PLEKHA7: variants seen among roughly 807,000 people sequenced by gnomAD.
PLEKHA7 encodes pleckstrin homology domain-containing family A member 7.
In PLEKHA7, 104 loss-of-function variants were observed where a neutral mutation model predicts 170.0. The observed-to-expected ratio is 0.61, with a 90% CI of 0.52 to 0.72. The LOEUF is 0.72. Ranked by LOEUF, PLEKHA7 falls within the 30% of genes least tolerant of loss-of-function variation. The pLI, the probability that PLEKHA7 is intolerant of heterozygous loss-of-function variation, is 0.00. For synonymous variants in PLEKHA7, 648 were observed against 660.8 expected (o/e 0.98, Z 0.30); for missense variants, 1,615 against 1,671.7 (o/e 0.97, Z 0.59).
intron 3 of PLEKHA7, among the ~76,000 whole-genome samples, chr11:16,922,096 T>A (rs757667268): frequency 6.6e-6 from 1 of 152,128 alleles, no homozygotes; most frequent in Non-Finnish European, 1.5e-5. Context: ...GATATGGAAG[T>A]CAGATGAAAC....
intron 13 of PLEKHA7, among the ~76,000 whole-genome samples, chr11:16,812,215 T>A (rs1187573625): frequency 6.6e-6 from 1 of 152,186 alleles, no homozygotes. Context: ...AGCCCTGATC[T>A]CCTTTCATTG....
At chr11:16,921,093 G>A (rs1054485702) in intron 3 of PLEKHA7, among the ~76,000 whole-genome samples, 11 of 152,114 alleles carry the variant, frequency 7.2e-5, no homozygotes, top group Admixed American at 3.9e-4. Context: ...TTCGCAGGGC[G>A]TTTTTTTGTT....
At chr11:16,967,534 C>T (rs7108190) in intron 3 of PLEKHA7, among the ~76,000 whole-genome samples, 1 of 152,222 alleles carries the variant, frequency 6.6e-6, no homozygotes, top group Admixed American at 6.5e-5. Flanking sequence ...CCATGAGGCC[C>T]TCCATTCTTG....
Position 16,791,738 on chromosome 11 carries a change from C to T in PLEKHA7, c.2746-539G>A. 2.2e-6 allele frequency: 1 copy of T among 453,078 alleles called. No homozygotes were observed. The highest frequency in any genetic ancestry group is 2.4e-5 in the Admixed American group (1 of 42,414). The allele number at this position is 453,078 out of a possible 1,614,324, so 28.1% of individuals were successfully genotyped here. On this transcript the variant is annotated intron_variant, in intron 19 of 26. Coordinates refer to ENST00000531066, the MANE Select transcript of PLEKHA7 (RefSeq NM_001329630.2). This position sits in a 1 kb window ranked among gnomAD's most constrained non-coding sequence, Gnocchi z 4.5. Reference sequence around the variant, plus strand: ...TTTCTATCAGAAATGTGCATGGTTACAAAATATTTCCTCCTTCCTGACTCA... The same window carrying T: ...TTTCTATCAGAAATGTGCATGGTTATAAAATATTTCCTCCTTCCTGACTCA...
intron 10 of PLEKHA7, among the ~76,000 whole-genome samples, chr11:16,820,346 C>T (rs1850109418): frequency 6.6e-6 from 1 of 152,210 alleles, no homozygotes; most frequent in South Asian, 2.1e-4. Flanking sequence ...TAGAAAATTG[C>T]TGTGAGGATT....
chr11:16,877,610 G>T (rs1260505032), intron 3 of PLEKHA7, among the ~76,000 whole-genome samples: 1 of 152,184 alleles, frequency 6.6e-6, no homozygotes, highest in East Asian at 1.9e-4. Flanking sequence ...ATCAAGATTT[G>T]CAACAGCTCA....
At chr11:16,867,374 A>C (rs889491203) in intron 4 of PLEKHA7, among the ~76,000 whole-genome samples, 1 of 152,184 alleles carries the variant, frequency 6.6e-6, no homozygotes, top group African/African-American at 2.4e-5. Flanking sequence ...TACCTACAAG[A>C]AACTGGGGAG....
intron 4 of PLEKHA7, among the ~76,000 whole-genome samples, chr11:16,861,500 T>A (rs1853948069): frequency 6.6e-6 from 1 of 151,806 alleles, no homozygotes; most frequent in Non-Finnish European, 1.5e-5. Context: ...AATACAAAAA[T>A]TAGCCGAGAG....
intron 10 of PLEKHA7, 58 bp downstream of exon 10, chr11:16,826,062 C>T: frequency 6.6e-7 from 1 of 1,524,946 alleles, no homozygotes; most frequent in Non-Finnish European, 9.0e-7. Context: ...TAAATGACAG[C>T]TCTTGCCACT....
intron 3 of PLEKHA7, among the ~76,000 whole-genome samples, chr11:16,890,842 T>G (rs1856558623): frequency 6.6e-6 from 1 of 152,080 alleles, no homozygotes; most frequent in Non-Finnish European, 1.5e-5. Context: ...TCCACTAACA[T>G]GAAAAAATAT....
chr11:16,901,934 C>G (rs940983015), intron 3 of PLEKHA7, among the ~76,000 whole-genome samples: 7 of 152,152 alleles, frequency 4.6e-5, no homozygotes. Flanking sequence ...ATACGATCAT[C>G]ACCCCAATCA....
intron 13 of PLEKHA7, among the ~76,000 whole-genome samples, chr11:16,806,233 T>C (rs938085396): frequency 1.3e-5 from 2 of 152,250 alleles, no homozygotes; most frequent in South Asian, 2.1e-4. Context: ...TGAGAGCTGT[T>C]TCTACAGCTC....
intron 17 of PLEKHA7, among the ~76,000 whole-genome samples, chr11:16,798,960 G>C (rs1848415308): frequency 6.6e-6 from 1 of 152,176 alleles, no homozygotes; most frequent in South Asian, 2.1e-4. Flanking sequence ...GAAATAGTAT[G>C]TAACAGTCAA....
chr11:16,911,949 T>G (rs1212887896), intron 3 of PLEKHA7, among the ~76,000 whole-genome samples: 1 of 152,126 alleles, frequency 6.6e-6, no homozygotes, highest in Non-Finnish European at 1.5e-5. Context: ...CACACCCTGG[T>G]AACAGAAATG....
intron 3 of PLEKHA7, among the ~76,000 whole-genome samples, chr11:16,976,601 G>C (rs140780213): frequency 1.4e-3 from 214 of 152,324 alleles, no homozygotes; most frequent in African/African-American, 4.9e-3. Flanking sequence ...AAGGTGGTTG[G>C]ACTAGCTGCT....
chr11:16,867,302 A>T (rs947642131), intron 4 of PLEKHA7, among the ~76,000 whole-genome samples: 3 of 152,166 alleles, frequency 2.0e-5, no homozygotes, highest in African/African-American at 7.2e-5. Context: ...TACAGTTCTA[A>T]CACCTTCTCA....
chr11:16,829,300 C>A (rs1370497174), intron 9 of PLEKHA7, among the ~76,000 whole-genome samples: 1 of 152,084 alleles, frequency 6.6e-6, no homozygotes, highest in Non-Finnish European at 1.5e-5. Context: ...CAAGCGTGAG[C>A]CACCCTGCCG....
intron 3 of PLEKHA7, among the ~76,000 whole-genome samples, chr11:16,921,401 T>TCAGC (rs1363336144): frequency 6.6e-6 from 1 of 152,208 alleles, no homozygotes. Flanking sequence ...ACTGTGTCCA[T>TCAGC]CAGCCCCACA....
intron 3 of PLEKHA7, among the ~76,000 whole-genome samples, chr11:16,912,541 T>C (rs1229536635): frequency 6.6e-6 from 1 of 152,194 alleles, no homozygotes; most frequent in East Asian, 1.9e-4. Context: ...GCCTCTTAAA[T>C]GCTGACTTCA....
Sources: gnomAD v4.1 joint callset for allele counts (sites outside exome capture counted in the v4.1 genomes callset) on GRCh38, gnomAD v4.1.1 for gene constraint, Gnocchi (gnomAD v3.1) non-coding constraint, MANE v1.5 for transcripts, NCBI Gene and HGNC (gene_info 2026-07-23, HGNC 2026-07-21) for gene names.